Variants in ARAP2 observed in about 807,000 individuals in gnomAD.
ARAP2 encodes arf-GAP with Rho-GAP domain, ANK repeat and PH domain-containing protein 2.
In ARAP2, 148 loss-of-function variants were observed where a neutral mutation model predicts 194.5. The observed-to-expected ratio is 0.76, with a 90% confidence interval of 0.67 to 0.87. ARAP2 has a LOEUF of 0.87. Ranked by LOEUF, ARAP2 falls within the 40% of genes least tolerant of loss-of-function variation. ARAP2 has a pLI of 0.00. For synonymous variants in ARAP2, 695 were observed against 683.5 expected (o/e 1.02, Z -0.26); for missense variants, 2,128 against 1,989.7 (o/e 1.07, Z -1.32).
At chr4:36,187,040 A>C (rs996140409) in intron 8 of ARAP2, among the ~76,000 whole-genome samples, 1 of 152,244 alleles carries the variant, frequency 6.6e-6, no homozygotes. Flanking sequence ...GGTGCAAAAA[A>C]GGTTGGGAAC....
Position 36,113,728 on chromosome 4 carries a change from A to T in ARAP2, c.4156+442T>A, listed in dbSNP as rs187738774. Among the ~76,000 whole-genome samples the T allele has an allele frequency of 1.7e-3, 257 of 152,102 alleles. 2 individuals are homozygous for T. Among genetic ancestry groups the T allele is most frequent in the South Asian group, 0.013 (63 of 4,826 alleles). On this transcript the variant is annotated intron_variant, in intron 26 of 32. Coordinates refer to ENST00000303965, the MANE Select transcript of ARAP2 (RefSeq NM_015230.4). ...CATCCCTAGGCATCTTGGAGATGAA[A>T]GACAACAAAATATGTGATTCACTAA...
chr4:36,030,903 G>A (rs531499212), intron 5 of ARAP2, among the ~76,000 whole-genome samples: 39 of 151,218 alleles, frequency 2.6e-4, no homozygotes, highest in African/African-American at 9.0e-4. Flanking sequence ...AGGCCTAGTC[G>A]GGTGGATCAC....
chr4:36,059,752 A>T (rs1724105637), intron 1 of ARAP2, among the ~76,000 whole-genome samples: 1 of 152,172 alleles, frequency 6.6e-6, no homozygotes, highest in Non-Finnish European at 1.5e-5. Context: ...AGAGACCAAT[A>T]CTAGTAGAAT....
intron 19 of ARAP2, among the ~76,000 whole-genome samples, chr4:36,140,849 C>T (rs939596091): frequency 7.9e-5 from 12 of 151,542 alleles, no homozygotes; most frequent in Non-Finnish European, 1.6e-4. Context: ...TGGGAGACAT[C>T]AAGTGTATTA....
intron 1 of ARAP2, among the ~76,000 whole-genome samples, chr4:36,237,768 G>A (rs2109368468): frequency 6.6e-6 from 1 of 152,200 alleles, no homozygotes; most frequent in East Asian, 1.9e-4. Context: ...AATACAAGTG[G>A]ACTAATACAC....
intron 26 of ARAP2, among the ~76,000 whole-genome samples, chr4:36,110,106 G>A (rs537380301): frequency 1.3e-5 from 2 of 151,916 alleles, no homozygotes; most frequent in African/African-American, 4.8e-5. Flanking sequence ...TGGTTAAGGT[G>A]AGGAACAGAG....
At chr4:36,181,405 A>T (rs1338241010) in intron 8 of ARAP2, among the ~76,000 whole-genome samples, 2 of 149,844 alleles carry the variant, frequency 1.3e-5, no homozygotes, top group Admixed American at 6.6e-5. Flanking sequence ...ATAAGAATTA[A>T]AAAAAAAAGA....
At position 36,214,412 on chromosome 4, in the gene ARAP2, A is replaced by AT. The variant is rs1560687208; in HGVS notation, c.964+9dup. ...TCTAATTTAAGGAGACATTAAACAC[A>AT]TAGACTCACTTTGCCATGCCACAGA... On this transcript the variant is annotated intron_variant, in intron 3 of 32. Coordinates refer to ENST00000303965, the MANE Select transcript of ARAP2 (RefSeq NM_015230.4). 1.3e-6 allele frequency: 2 copies of AT among 1,593,368 alleles called. No homozygotes were observed. Among genetic ancestry groups the AT allele is most frequent in the Admixed American group, 3.4e-5 (2 of 58,706 alleles).
intron 5 of ARAP2, among the ~76,000 whole-genome samples, chr4:36,036,951 T>C (rs897991129): frequency 6.6e-6 from 1 of 152,140 alleles, no homozygotes; most frequent in Non-Finnish European, 1.5e-5. Flanking sequence ...CCAGTTTACA[T>C]CTTCTTTCAT....
At chr4:36,150,191 T>G (rs1730628994) in intron 16 of ARAP2, among the ~76,000 whole-genome samples, 1 of 152,194 alleles carries the variant, frequency 6.6e-6, no homozygotes, top group Non-Finnish European at 1.5e-5. Flanking sequence ...TATTGTTTAT[T>G]TTAATGTGAA....
At chr4:36,018,406 C>A (rs1716266255) in intron 6 of ARAP2, among the ~76,000 whole-genome samples, 1 of 150,866 alleles carries the variant, frequency 6.6e-6, no homozygotes, top group African/African-American at 2.4e-5. Context: ...GTTGCAACCA[C>A]CATACTTCAC....
chr4:36,112,790 C>G (rs1720356729), intron 26 of ARAP2, among the ~76,000 whole-genome samples: 1 of 151,164 alleles, frequency 6.6e-6, no homozygotes, highest in Admixed American at 6.6e-5. Context: ...AGAAATGAGA[C>G]AAAGTACAAT....
intron 7 of ARAP2, 49 bp downstream of exon 7, chr4:36,193,529 C>G: frequency 7.8e-7 from 1 of 1,282,742 alleles, no homozygotes; most frequent in Admixed American, 2.2e-5. Context: ...TTATTTTACT[C>G]TTCGTATGCA....
intron 9 of ARAP2, among the ~76,000 whole-genome samples, chr4:36,173,497 C>T (rs550992787): frequency 1.5e-4 from 23 of 151,662 alleles, no homozygotes; most frequent in Admixed American, 3.3e-4. Context: ...AAAATTTCTG[C>T]AAAACAAAAA....
At chr4:36,192,721 G>T (rs1742193699) in intron 7 of ARAP2, among the ~76,000 whole-genome samples, 1 of 152,194 alleles carries the variant, frequency 6.6e-6, no homozygotes. Flanking sequence ...TTTAAGGCTG[G>T]TCGTGGTAGC....
At chr4:36,157,676 T>C (rs1560553184) in intron 15 of ARAP2, 6 of 152,162 alleles carry the variant, frequency 3.9e-5, no homozygotes, top group African/African-American at 1.2e-4. Flanking sequence ...TTAATGTATA[T>C]AAAGTATCTA....
At chr4:36,125,623 G>A (rs1486162104) in intron 21 of ARAP2, among the ~76,000 whole-genome samples, 1 of 151,910 alleles carries the variant, frequency 6.6e-6, no homozygotes, top group Non-Finnish European at 1.5e-5. Flanking sequence ...GAAATTTGTT[G>A]GTTTATGGAG....
At chr4:36,209,485 T>G (rs149859683) in intron 6 of ARAP2, 1 of 374,064 alleles carries the variant, frequency 2.7e-6, no homozygotes, top group Non-Finnish European at 5.3e-6. Flanking sequence ...TGTTTTGCTA[T>G]CTTTTGAAAT....
chr4:36,030,210 TTCC>T (rs1718679938), intron 5 of ARAP2, among the ~76,000 whole-genome samples: 1 of 152,086 alleles, frequency 6.6e-6, no homozygotes, highest in Non-Finnish European at 1.5e-5. Flanking sequence ...ACACTTTTCT[TTCC>T]TCAAGTTTTT....
Sources: allele counts gnomAD v4.1 joint callset (sites outside exome capture counted in the v4.1 genomes callset), GRCh38; gene constraint gnomAD v4.1.1; transcripts MANE v1.5; gene names NCBI Gene and HGNC (gene_info 2026-07-23, HGNC 2026-07-21).